Variants in RRM2 observed in about 807,000 individuals in gnomAD.
RRM2 encodes the protein ribonucleoside-diphosphate reductase subunit M2.
A neutral mutation model predicts 45.9 loss-of-function variants in RRM2; 6 were observed. The ratio of observed to expected loss-of-function variants is 0.13; its 90% CI spans 0.07 to 0.26. The LOEUF (loss-of-function observed/expected upper bound fraction) is 0.26, where lower values mean the gene tolerates loss of function less well. Ranked by LOEUF, RRM2 falls within the 10% of genes least tolerant of loss-of-function variation. RRM2 has a pLI of 1.00. For synonymous variants in RRM2, 177 were observed against 173.0 expected (o/e 1.02, Z -0.18); for missense variants, 343 against 489.5 (o/e 0.70, Z 2.82).
chr2:10,177,770 C>T (rs149251647), intron 3 of RRM2, among the ~76,000 whole-genome samples: 274 of 148,662 alleles, frequency 1.8e-3, no homozygotes, highest in African/African-American at 6.3e-3. Context: ...TACAGGCATG[C>T]GCCATCACGT....
intron 3 of RRM2, among the ~76,000 whole-genome samples, chr2:10,183,525 C>T (rs951178084): frequency 6.6e-6 from 1 of 152,220 alleles, no homozygotes; most frequent in African/African-American, 2.4e-5. Flanking sequence ...CACAGCAGAC[C>T]TCTGTTGCTC....
At position 10,204,827 on chromosome 2, in the gene RRM2, G is replaced by C. The variant is rs562806509; in HGVS notation, n.483-5484G>C. ...GGGTGGCACTGAACGCCGAGGCCAC[G>C]GCCCGTCCTGATGTGGTCAGAGATG... On this transcript the variant is annotated intron_variant and non_coding_transcript_variant, in intron 3 of 3. Coordinates refer to the RRM2 transcript ENST00000381786. This position sits in a 1 kb window ranked among gnomAD's most constrained non-coding sequence, Gnocchi z 4.0. Among the ~76,000 whole-genome samples, 3 of 152,312 alleles carry C rather than the reference G, an allele frequency of 2.0e-5. No homozygotes were observed. In the East Asian group the frequency reaches 5.8e-4, roughly 29 times the overall value.
chr2:10,191,416 T>C (rs1392576806), intron 3 of RRM2, among the ~76,000 whole-genome samples: 1 of 152,076 alleles, frequency 6.6e-6, no homozygotes, highest in African/African-American at 2.4e-5. Context: ...TCAGTGTCAG[T>C]GAGGGTAGGG....
intron 3 of RRM2, among the ~76,000 whole-genome samples, chr2:10,170,808 C>T (rs942935937): frequency 6.6e-6 from 1 of 152,202 alleles, no homozygotes; most frequent in Non-Finnish European, 1.5e-5. Context: ...CCCACGCCCC[C>T]GCCCCCAGCC....
intron 3 of RRM2, among the ~76,000 whole-genome samples, chr2:10,183,370 G>C (rs1664100270): frequency 6.6e-6 from 1 of 152,360 alleles, no homozygotes; most frequent in South Asian, 2.1e-4. Flanking sequence ...TGGGACACTG[G>C]AGGGGTGGAG....
At position 10,200,467 on chromosome 2, in the gene RRM2, C is replaced by CACAAAATAT. The variant is rs1664532754; in HGVS notation, n.483-9844_483-9843insACAAAATAT. On this transcript the variant is annotated intron_variant and non_coding_transcript_variant, in intron 3 of 3. Transcript: ENST00000381786. ...ATATGAGGCCCACAGGGACCGCGCG[C>CACAAAATAT]GCAAAATATGAGGCCCACAGGCACC... Among the ~76,000 whole-genome samples the CACAAAATAT allele has an allele frequency of 2.6e-5, 2 of 76,448 alleles. 1 individual carries two copies. Among genetic ancestry groups the CACAAAATAT allele is most frequent in the Admixed American group, 2.7e-4 (2 of 7,440 alleles). The allele number at this position is 76,448 out of a possible 152,430, so 50.2% of individuals were successfully genotyped here. A position where few individuals can be genotyped will look rare whatever the true frequency, so the allele number is the denominator to read the frequency against.
At chr2:10,122,942 G>T in intron 1 of RRM2, 41 bp from the exon 2 acceptor site, 1 of 1,547,918 alleles carries the variant, frequency 6.5e-7, no homozygotes. Flanking sequence ...GGGAGGCAGG[G>T]AAAGCGAAGC....
chr2:10,173,291 T>C (rs80045477), intron 3 of RRM2, among the ~76,000 whole-genome samples: 3,070 of 152,242 alleles, frequency 0.02, 98 homozygotes, highest in African/African-American at 0.07. Flanking sequence ...TCTTATTTCA[T>C]CTCTCTCCGT....
At chr2:10,191,084 C>T (rs182759677) in intron 3 of RRM2, among the ~76,000 whole-genome samples, 2 of 152,284 alleles carry the variant, frequency 1.3e-5, no homozygotes, top group East Asian at 1.9e-4. Context: ...GCAGTTTGCC[C>T]CACAGGACGC....
chr2:10,127,762 A>G lies in RRM2; in HGVS notation c.798+542A>G, dbSNP rs1229313571. Among the ~76,000 whole-genome samples, 1 of 151,758 alleles carries G rather than the reference A, an allele frequency of 6.6e-6. No individual in the cohort carries two copies. The highest frequency in any genetic ancestry group is 2.4e-5 in the African/African-American group (1 of 41,336). On this transcript the variant is annotated intron_variant, in intron 7 of 9. Coordinates refer to ENST00000304567, the MANE Select transcript of RRM2 (RefSeq NM_001034.4). The surrounding 1 kb of genome is among the most constrained non-coding windows in gnomAD (Gnocchi z 4.1). Reference sequence around the variant, plus strand: ...CTCCCAGAGTGCTGGGATTATAGGCATGAGCCACCATGCCCAGCCAAAACT... The same window carrying G: ...CTCCCAGAGTGCTGGGATTATAGGCGTGAGCCACCATGCCCAGCCAAAACT...
Position 10,161,680 on chromosome 2 carries a change from T to TCACA in RRM2, n.482+19320_482+19323dup, listed in dbSNP as rs59307518. On this transcript the variant is annotated intron_variant and non_coding_transcript_variant, in intron 3 of 3. Coordinates refer to the RRM2 transcript ENST00000381786. ...CTCACACTCATGCACACACACACATTCACACACACACACACACATTCACAT... is the reference window on the plus strand; with the variant it reads ...CTCACACTCATGCACACACACACATTCACACACACACACACACACACATTCACAT... Among the ~76,000 whole-genome samples the TCACA allele has an allele frequency of 4.1e-3, 608 of 149,906 alleles. 1 individual carries two copies. The highest frequency in any genetic ancestry group is 0.013 in the African/African-American group (523 of 41,066).
chr2:10,210,208 C>T (rs1664732961), intron 3 of RRM2: 1 of 671,016 alleles, frequency 1.5e-6, no homozygotes, highest in Non-Finnish European at 2.4e-6. Flanking sequence ...AGCCCTTGGC[C>T]ATGTTCCGGC....
chr2:10,147,453 A>AT (rs973465558), intron 3 of RRM2, among the ~76,000 whole-genome samples: 8 of 151,488 alleles, frequency 5.3e-5, no homozygotes, highest in South Asian at 4.2e-4. Flanking sequence ...TAATTTTTGT[A>AT]TTTTTTTTGT....
chr2:10,177,506 T>A (rs1487157318), intron 3 of RRM2, among the ~76,000 whole-genome samples: 6 of 152,206 alleles, frequency 3.9e-5, no homozygotes, highest in Non-Finnish European at 8.8e-5. Context: ...ACTATATTGA[T>A]GTTGATTCAA....
chr2:10,159,717 A>G (rs1197367498), intron 3 of RRM2, among the ~76,000 whole-genome samples: 2 of 152,216 alleles, frequency 1.3e-5, no homozygotes, highest in East Asian at 3.8e-4. Context: ...GTGTTCACAC[A>G]CACAGAGATG....
At chr2:10,136,132 C>T (rs753084067), downstream of RRM2, among the ~76,000 whole-genome samples, 4 of 152,080 alleles carry the variant, frequency 2.6e-5, no homozygotes, top group Non-Finnish European at 4.4e-5. Flanking sequence ...CACCAAAGTG[C>T]GGGGCTGGGG....
chr2:10,138,856 C>T (rs1447680557), upstream of RRM2, among the ~76,000 whole-genome samples: 1 of 152,058 alleles, frequency 6.6e-6, no homozygotes, highest in Non-Finnish European at 1.5e-5. Context: ...GCCTGTAATC[C>T]CAACACTTTG....
At chr2:10,154,539 CATGGTCA>C (rs1663385361) in intron 3 of RRM2, among the ~76,000 whole-genome samples, 1 of 150,550 alleles carries the variant, frequency 6.6e-6, no homozygotes, top group Non-Finnish European at 1.5e-5. Context: ...TATGAGGTTG[CATGGTCA>C]ATATCCTAAC....
At chr2:10,200,211 C>CT (rs1272558998) in intron 3 of RRM2, among the ~76,000 whole-genome samples, 1 of 152,164 alleles carries the variant, frequency 6.6e-6, no homozygotes, top group East Asian at 1.9e-4. Context: ...CAAAAAAACT[C>CT]TGTTTCATGG....
Sources: allele counts gnomAD v4.1 joint callset (sites outside exome capture counted in the v4.1 genomes callset), GRCh38; gene constraint gnomAD v4.1.1; non-coding constraint Gnocchi (gnomAD v3.1); transcripts MANE v1.5; gene names NCBI Gene and HGNC (gene_info 2026-07-23, HGNC 2026-07-21).